SLC4A10: variants seen among roughly 807,000 people sequenced by gnomAD.
SLC4A10 encodes the protein sodium-driven chloride bicarbonate exchanger.
A neutral mutation model predicts 137.7 loss-of-function variants in SLC4A10; 42 were observed. The ratio of observed to expected loss-of-function variants is 0.30; its 90% confidence interval spans 0.24 to 0.39. The LOEUF is 0.39. Among genes scored for constraint, SLC4A10 ranks in the 10% least tolerant of loss-of-function variants. The pLI, the probability that SLC4A10 is intolerant of heterozygous loss-of-function variation, is 1.00. For synonymous variants in SLC4A10, 474 were observed against 464.1 expected, an observed-to-expected ratio of 1.02 and a Z score of -0.27; for missense variants, 925 against 1,355.0, an observed-to-expected ratio of 0.68 and a Z score of 4.98.
chr2:161,870,887 C>T (rs1379522905), intron 6 of SLC4A10, among the ~76,000 whole-genome samples: 1 of 151,656 alleles, frequency 6.6e-6, no homozygotes, highest in Non-Finnish European at 1.5e-5. Context: ...CAAATATATT[C>T]TTTTACATTT....
At chr2:161,875,004 A>G (rs965847613) in intron 8 of SLC4A10, among the ~76,000 whole-genome samples, 4 of 152,172 alleles carry the variant, frequency 2.6e-5, no homozygotes, top group African/African-American at 9.7e-5. Context: ...CCAGACCATA[A>G]TTGAATGTTT....
At chr2:161,650,014 T>C (rs1372224447) in intron 1 of SLC4A10, among the ~76,000 whole-genome samples, 1 of 152,234 alleles carries the variant, frequency 6.6e-6, no homozygotes, top group Non-Finnish European at 1.5e-5. Context: ...CATTGGTGTA[T>C]TACTTTCAAC....
At chr2:161,816,823 G>A (rs1289449789) in intron 3 of SLC4A10, among the ~76,000 whole-genome samples, 1 of 151,962 alleles carries the variant, frequency 6.6e-6, no homozygotes, top group Non-Finnish European at 1.5e-5. Context: ...CATTTTTTAT[G>A]GCTGCATAGT....
chr2:161,727,064 G>A (rs909987110), intron 1 of SLC4A10, among the ~76,000 whole-genome samples: 2 of 152,210 alleles, frequency 1.3e-5, no homozygotes, highest in Non-Finnish European at 2.9e-5. Flanking sequence ...TTTATTCACT[G>A]GAGAGGGTTA....
chr2:161,880,256 A>T (rs912799003), intron 9 of SLC4A10, among the ~76,000 whole-genome samples: 2 of 152,176 alleles, frequency 1.3e-5, no homozygotes, highest in Non-Finnish European at 2.9e-5. Context: ...CAAACATTGA[A>T]TACCTTAGCC....
At chr2:161,798,243 A>G (rs985415498) in intron 2 of SLC4A10, among the ~76,000 whole-genome samples, 1 of 151,936 alleles carries the variant, frequency 6.6e-6, no homozygotes, top group African/African-American at 2.4e-5. Flanking sequence ...AGCTTAATGT[A>G]CTTGACCTTT....
At chr2:161,818,322 A>G (rs2057304618) in intron 3 of SLC4A10, among the ~76,000 whole-genome samples, 2 of 152,176 alleles carry the variant, frequency 1.3e-5, no homozygotes, top group South Asian at 4.1e-4. Flanking sequence ...ATTTTTCCAC[A>G]TTGATTTTTG....
chr2:161,983,122 G>A, intron 26 of SLC4A10, 57 bp from the exon 27 acceptor site: 5 of 1,477,250 alleles, frequency 3.4e-6, no homozygotes, highest in Non-Finnish European at 3.7e-6. Flanking sequence ...GCAAGCAGAT[G>A]TCATAGTAGC....
In SLC4A10 at chr2:161,863,017, G is replaced by T. The variant is rs1342999545; in HGVS notation, c.721G>T (p.Asp241Tyr). The T allele has an allele frequency of 3.1e-6, 5 of 1,613,736 alleles. No individual in the cohort carries two copies. Among genetic ancestry groups the T allele is most frequent in the Non-Finnish European group, 4.2e-6 (5 of 1,179,834 alleles). Residue 241 changes from aspartate to tyrosine, a missense_variant, in exon 6 of 27, where the codon GAT (aspartate) becomes TAT (tyrosine). By Grantham distance (160) the Asp-to-Tyr change is radical. Transcript: ENST00000446997. ...GATTCCCATTGTTCGTTCCTTTGCT[G>T]ATATTGGCAAGAAACAGTCAGAACC... ...NRIPIVRSFADIGKKQSEPNS... is the reference protein window; with the variant it reads ...NRIPIVRSFAYIGKKQSEPNS...
chr2:161,757,588 A>G (rs1342267715), intron 1 of SLC4A10, among the ~76,000 whole-genome samples: 1 of 152,176 alleles, frequency 6.6e-6, no homozygotes, highest in African/African-American at 2.4e-5. Flanking sequence ...TTGAGGCACA[A>G]AGAACTTGCT....
chr2:161,891,108 T>A lies in SLC4A10; in HGVS notation c.1195-3571T>A, dbSNP rs376081895. Among the ~76,000 whole-genome samples the A allele has an allele frequency of 5.4e-4, 83 of 152,320 alleles. 2 individuals are homozygous for A. The East Asian group carries it at 0.014, about 26-fold the overall frequency. Reference sequence around the variant, plus strand: ...GGTTGAAATTTCTTTTCTTTAAGAATGTTGAATATTGGCCCCCACTCTCTT... The same window carrying A: ...GGTTGAAATTTCTTTTCTTTAAGAAAGTTGAATATTGGCCCCCACTCTCTT... On this transcript the variant is annotated intron_variant, in intron 10 of 26. Transcript: ENST00000446997.
chr2:161,862,325 C>A (rs1476685677), intron 5 of SLC4A10, among the ~76,000 whole-genome samples: 1 of 152,090 alleles, frequency 6.6e-6, no homozygotes, highest in Non-Finnish European at 1.5e-5. Flanking sequence ...AACTATATCA[C>A]TTCATAGGCC....
Position 161,839,793 on chromosome 2 carries a change from C to A in SLC4A10, c.282C>A (p.Thr94=), listed in dbSNP as rs201307279. Residue 94 remains threonine, a synonymous_variant, in exon 4 of 27, where the codon ACC becomes ACA. Transcript: ENST00000446997. ...TACATGTCTCTGATTTTTTAGACAC[C>A]CCATCACAGAGGGTACAGTTTATTC... is the stretch of plus-strand genomic sequence containing the variant. The part of the protein sequence containing the change: ...EDGRESPSFD[T]PSQRVQFILG... 1 of 1,613,098 alleles carries A rather than the reference C, an allele frequency of 6.2e-7. No homozygotes were observed. The highest frequency in any genetic ancestry group is 2.2e-5 in the East Asian group (1 of 44,852).
intron 3 of SLC4A10, among the ~76,000 whole-genome samples, chr2:161,827,045 T>C (rs2058060879): frequency 2.0e-5 from 3 of 152,220 alleles, no homozygotes; most frequent in South Asian, 4.1e-4. Context: ...CTACTTAGTA[T>C]GGTATCTGAC....
intron 12 of SLC4A10, among the ~76,000 whole-genome samples, chr2:161,902,686 A>G (rs564543781): frequency 6.6e-6 from 1 of 152,284 alleles, no homozygotes; most frequent in African/African-American, 2.4e-5. Flanking sequence ...TACCTGCATA[A>G]TAGTAGAAGA....
rs55983659 is a variant in SLC4A10 at position 161,856,358 on chromosome 2, AACACAC to A, written c.577+1263_577+1268del. ...TAAGCAAAAACTCCAAAAATACTAAAACACACACACACACACACACACACACACACA... is the reference window on the plus strand; with the variant it reads ...TAAGCAAAAACTCCAAAAATACTAAAACACACACACACACACACACACACA... On this transcript the variant is annotated intron_variant, in intron 5 of 26. Transcript: ENST00000446997. 3.5e-3 allele frequency among the ~76,000 whole-genome samples: 492 copies of A among 141,926 alleles called. 1 individual carries two copies. Among genetic ancestry groups the A allele is most frequent in the African/African-American group, 0.012 (452 of 38,264 alleles). The allele number at this position is 141,926 out of a possible 152,430, so 93.1% of individuals were successfully genotyped here. A position where few individuals can be genotyped will look rare whatever the true frequency, so the allele number is the denominator to read the frequency against.
chr2:161,742,273 G>A (rs1305771758), intron 1 of SLC4A10, among the ~76,000 whole-genome samples: 1 of 152,030 alleles, frequency 6.6e-6, no homozygotes, highest in Non-Finnish European at 1.5e-5. Context: ...ACTAATGCTG[G>A]AATAAACATG....
intron 2 of SLC4A10, among the ~76,000 whole-genome samples, chr2:161,787,881 C>A (rs1016579878): frequency 1.3e-5 from 2 of 151,920 alleles, no homozygotes; most frequent in Non-Finnish European, 2.9e-5. Context: ...CTTTAGAATC[C>A]GTATCTTGAA....
chr2:161,890,948 A>G (rs1290718485), intron 10 of SLC4A10, among the ~76,000 whole-genome samples: 5 of 151,816 alleles, frequency 3.3e-5, no homozygotes, highest in Non-Finnish European at 7.4e-5. Context: ...TTTCCTTTCC[A>G]TATTTAGTGC....
Sources: allele counts gnomAD v4.1 joint callset (sites outside exome capture counted in the v4.1 genomes callset), GRCh38; gene constraint gnomAD v4.1.1; transcripts MANE v1.5; gene names NCBI Gene and HGNC (gene_info 2026-07-23, HGNC 2026-07-21).